The following NVL variants were observed in gnomAD, a reference collection of about 807,000 sequenced individuals.
NVL encodes nuclear valosin-containing protein-like.
NVL carries 84 observed loss-of-function variants against 110.2 expected under a neutral mutation model. That is an observed-to-expected ratio of 0.76 (90% CI 0.64 to 0.91). The LOEUF (loss-of-function observed/expected upper bound fraction) is 0.91, where lower values mean the gene tolerates loss of function less well. NVL is among the 40% of genes least tolerant of loss of function. The probability of loss-of-function intolerance (pLI) is 0.00; values close to 1 mark genes in which losing one functional copy is unlikely to be tolerated. For synonymous variants in NVL, 354 were observed against 361.1 expected, an observed-to-expected ratio of 0.98 and a Z score of 0.22; for missense variants, 882 against 1,035.9, an observed-to-expected ratio of 0.85 and a Z score of 2.04.
At chr1:224,250,405 C>T (rs1046352763) in intron 18 of NVL, 87 bp from the exon 19 acceptor site, 25 of 1,258,860 alleles carry the variant, frequency 2.0e-5, no homozygotes, top group African/African-American at 4.6e-5. Flanking sequence ...TGTTCCATCT[C>T]CCAGGCTGGA....
At chr1:224,286,194 T>C in intron 14 of NVL, 64 bp from the exon 15 acceptor site, 2 of 1,204,886 alleles carry the variant, frequency 1.7e-6, no homozygotes, top group South Asian at 2.6e-5. Context: ...GTTCAAATTA[T>C]TTCCAGATAC....
intron 18 of NVL, among the ~76,000 whole-genome samples, chr1:224,251,269 C>T (rs1662460279): frequency 1.8e-5 from 1 of 55,594 alleles, no homozygotes; most frequent in Admixed American, 3.4e-4. Flanking sequence ...GTGATACTGT[C>T]TCAAAAAAAA....
At chr1:224,291,063 A>C (rs1340346459) in intron 12 of NVL, among the ~76,000 whole-genome samples, 1 of 152,222 alleles carries the variant, frequency 6.6e-6, no homozygotes, top group Non-Finnish European at 1.5e-5. Context: ...TATCTGGGCC[A>C]GTTACTTAAT....
intron 18 of NVL, among the ~76,000 whole-genome samples, chr1:224,260,896 G>A (rs1453339933): frequency 6.6e-6 from 1 of 151,416 alleles, no homozygotes. Context: ...TATTTTTTGA[G>A]ACAGAGTCTT....
chr1:224,285,973 T>C, intron 15 of NVL, 53 bp downstream of exon 15: 1 of 1,337,770 alleles, frequency 7.5e-7, no homozygotes, highest in Non-Finnish European at 1.1e-6. Context: ...AAGTTCATAT[T>C]ATCCTATCTG....
intron 20 of NVL, among the ~76,000 whole-genome samples, chr1:224,234,255 C>T (rs763511006): frequency 3.9e-5 from 6 of 152,120 alleles, no homozygotes; most frequent in African/African-American, 9.7e-5. Context: ...CTCATGTTGA[C>T]TGGAGTTTCA....
intron 2 of NVL, among the ~76,000 whole-genome samples, chr1:224,319,618 C>G (rs1034062622): frequency 6.6e-6 from 1 of 152,120 alleles, no homozygotes; most frequent in Non-Finnish European, 1.5e-5. Flanking sequence ...GCATGTAACA[C>G]TGACATTTTT....
chr1:224,255,121 C>T (rs985427349), intron 18 of NVL, among the ~76,000 whole-genome samples: 2 of 148,078 alleles, frequency 1.4e-5, no homozygotes, highest in Admixed American at 6.8e-5. Context: ...CCGTCTGCCT[C>T]GGTTCCCAAA....
intron 2 of NVL, among the ~76,000 whole-genome samples, chr1:224,326,001 C>G (rs548646850): frequency 6.6e-6 from 1 of 152,020 alleles, no homozygotes; most frequent in African/African-American, 2.4e-5. Context: ...GTTGCCCAGG[C>G]TGGTCTCAAA....
chr1:224,276,161 TAAGA>T (rs1665739647), intron 16 of NVL, among the ~76,000 whole-genome samples: 1 of 152,172 alleles, frequency 6.6e-6, no homozygotes, highest in African/African-American at 2.4e-5. Context: ...ACCAGATGAT[TAAGA>T]AAGAGCAGTT....
At position 224,236,522 on chromosome 1, in the gene NVL, G is replaced by A. The variant is rs370357965; in HGVS notation, c.2350C>T (p.Arg784Cys). The A allele has an allele frequency of 4.3e-6, 7 of 1,613,204 alleles. No individual in the cohort carries two copies. Among genetic ancestry groups the A allele is most frequent in the African/African-American group, 4.0e-5 (3 of 74,930 alleles). ...AACACTTACGTATAGCAATCACAGCGAAGGTCACCAGCAATTGCTTCCAAA... is the reference window on the plus strand; with the variant it reads ...AACACTTACGTATAGCAATCACAGCAAAGGTCACCAGCAATTGCTTCCAAA... Reference protein sequence around the residue: ...VNLEAIAGDLRCDCYTGADLS... With the variant: ...VNLEAIAGDLCCDCYTGADLS... The change falls in exon 20 of 23, where the codon CGC becomes TGC. Residue 784 changes from arginine to cysteine, a missense_variant. Coordinates refer to ENST00000281701, the MANE Select transcript of NVL (RefSeq NM_002533.4).
chr1:224,259,539 C>G (rs1279154106), intron 18 of NVL, among the ~76,000 whole-genome samples: 1 of 152,192 alleles, frequency 6.6e-6, no homozygotes, highest in Non-Finnish European at 1.5e-5. Flanking sequence ...AATGAATCCT[C>G]AGACTAGCAA....
chr1:224,329,582 C>T (rs895343442), intron 1 of NVL, among the ~76,000 whole-genome samples: 1 of 152,170 alleles, frequency 6.6e-6, no homozygotes, highest in Non-Finnish European at 1.5e-5. Flanking sequence ...TACTGATGGT[C>T]ATGAAAATGA....
In NVL at chr1:224,235,644, A is replaced by T. The variant is rs1056208392; in HGVS notation, c.2366+862T>A. Among the ~76,000 whole-genome samples the T allele has an allele frequency of 2.0e-5, 3 of 152,040 alleles. No individual in the cohort carries two copies. In the East Asian group the frequency reaches 5.8e-4, roughly 29 times the overall value. On this transcript the variant is annotated intron_variant, in intron 20 of 22. Coordinates refer to ENST00000281701, the MANE Select transcript of NVL (RefSeq NM_002533.4). ...ATTGGAAGGACATAATAGAGAAAAA[A>T]AAAGGGCCGGGTGTGGTGGCTCACT...
Position 224,287,834 on chromosome 1 carries a change from T to G in NVL, c.1735A>C (p.Thr579Pro). The G allele has an allele frequency of 6.2e-7, 1 of 1,614,166 alleles. No homozygotes were observed. Among genetic ancestry groups the G allele is most frequent in the Admixed American group, 1.7e-5 (1 of 60,014 alleles). ...REGFVTVPNV[T>P]WADIGALEDI... Reference sequence around the variant, plus strand: ...TCCAGGGCACCAATATCTGCCCATGTCACATTAGGGACAGTGACAAAGCCT... The same window carrying G: ...TCCAGGGCACCAATATCTGCCCATGGCACATTAGGGACAGTGACAAAGCCT... The change falls in exon 14 of 23, where the codon ACA (threonine) becomes CCA (proline). Residue 579 changes from threonine to proline, a missense_variant. Transcript: ENST00000281701.
At chr1:224,242,831 T>G (rs1375749730) in intron 19 of NVL, among the ~76,000 whole-genome samples, 15 of 150,872 alleles carry the variant, frequency 9.9e-5, no homozygotes, top group African/African-American at 3.6e-4. Flanking sequence ...TGCTTGTTTT[T>G]TTTTTTTTTT....
Position 224,268,146 on chromosome 1 carries a change from A to C in NVL, c.2083-13T>G. 1.9e-6 allele frequency: 3 copies of C among 1,590,138 alleles called. No homozygotes were observed. Among genetic ancestry groups the C allele is most frequent in the Non-Finnish European group, 2.6e-6 (3 of 1,160,148 alleles). On this transcript the variant is annotated splice_polypyrimidine_tract_variant and intron_variant, in intron 17 of 22. Transcript: ENST00000281701. Reference sequence around the variant, plus strand: ...CACTTGCCCCTGTCTAAAAAGACATAAATCTGGTTCCATCAGCTCTCAATA... The same window carrying C: ...CACTTGCCCCTGTCTAAAAAGACATCAATCTGGTTCCATCAGCTCTCAATA...
chr1:224,293,197 G>A (rs1667545597), intron 12 of NVL, among the ~76,000 whole-genome samples: 1 of 151,648 alleles, frequency 6.6e-6, no homozygotes, highest in Non-Finnish European at 1.5e-5. Flanking sequence ...AGCCTCTCAA[G>A]TAGCTGGGAC....
rs542576541 is a variant in NVL, at chr1:224,251,229, G to A, written c.2183-911C>T. Among the ~76,000 whole-genome samples the A allele has an allele frequency of 7.3e-5, 10 of 136,860 alleles. No homozygotes were observed. In the East Asian group the frequency reaches 2.1e-3, roughly 28 times the overall value. 89.8% of individuals were successfully genotyped at this position (136,860 alleles called of 152,430 possible). On this transcript the variant is annotated intron_variant, in intron 18 of 22. Transcript: ENST00000281701. ...ATGGAGGTTGCAGTGAGCTGAGATC[G>A]TGCCACTGCACTTCAGCCTGGCCAA...
Sources: gnomAD v4.1 joint callset for allele counts (sites outside exome capture counted in the v4.1 genomes callset) on GRCh38, gnomAD v4.1.1 for gene constraint, MANE v1.5 for transcripts, NCBI Gene and HGNC (gene_info 2026-07-23, HGNC 2026-07-21) for gene names.